The following NELL1 variants were observed in gnomAD, a reference collection of about 807,000 sequenced individuals.
NELL1 encodes the protein protein kinase C-binding protein NELL1.
A neutral mutation model predicts 107.4 loss-of-function variants in NELL1; 76 were observed. That is an observed-to-expected ratio of 0.71 (90% CI 0.59 to 0.86). The LOEUF is 0.86. Ranked by LOEUF, NELL1 falls within the 40% of genes least tolerant of loss-of-function variation. The pLI, the probability that NELL1 is intolerant of heterozygous loss-of-function variation, is 0.00. For missense variants in NELL1, 1,024 were observed against 1,005.5 expected, an observed-to-expected ratio of 1.02 and a Z score of -0.25; for synonymous variants, 353 against 341.2, an observed-to-expected ratio of 1.03 and a Z score of -0.38.
chr11:21,081,917 G>C (rs1257776209), intron 12 of NELL1, among the ~76,000 whole-genome samples: 1 of 152,100 alleles, frequency 6.6e-6, no homozygotes, highest in African/African-American at 2.4e-5. Flanking sequence ...CCTTAAAGAA[G>C]TTAAATAATT....
intron 12 of NELL1, among the ~76,000 whole-genome samples, chr11:21,001,723 A>G (rs904140033): frequency 2.7e-5 from 4 of 150,314 alleles, no homozygotes; most frequent in African/African-American, 9.8e-5. Flanking sequence ...GTCTTGGGCA[A>G]TCAACGGGGA....
At chr11:21,399,347 G>A (rs528022688) in intron 15 of NELL1, among the ~76,000 whole-genome samples, 1 of 151,704 alleles carries the variant, frequency 6.6e-6, no homozygotes, top group East Asian at 2.0e-4. Context: ...TTTAGGTATT[G>A]CAATGTGTTA....
chr11:20,975,880 CATGTGTATTATATATACATAT>C lies in NELL1; in HGVS notation c.1300+15335_1300+15355del, dbSNP rs1477974609. Reference sequence around the variant, plus strand: ...TATATGTGTATTATATATACACATACATGTGTATTATATATACATATATGTGTATTATATAAACACACATAT... The same window carrying C: ...TATATGTGTATTATATATACACATACATGTGTATTATATAAACACACATAT... On this transcript the variant is annotated intron_variant, in intron 12 of 19. Transcript: ENST00000357134. 1.3e-4 allele frequency among the ~76,000 whole-genome samples: 13 copies of C among 103,680 alleles called. 1 individual carries two copies. Among genetic ancestry groups the C allele is most frequent in the African/African-American group, 4.5e-4 (12 of 26,500 alleles). 68.0% of individuals were successfully genotyped at this position (103,680 alleles called of 152,430 possible).
chr11:20,674,481 T>C, intron 1 of NELL1: 1 of 1,535,806 alleles, frequency 6.5e-7, no homozygotes, highest in Non-Finnish European at 8.7e-7. Flanking sequence ...ACATGAAATT[T>C]CCTACAGCAG....
chr11:21,369,593 A>T (rs1369592932), intron 14 of NELL1, among the ~76,000 whole-genome samples: 1 of 152,076 alleles, frequency 6.6e-6, no homozygotes, highest in Admixed American at 6.6e-5. Context: ...TTCTGAACAC[A>T]TCATGTGGCT....
chr11:20,700,497 A>T (rs1052950358), intron 2 of NELL1, among the ~76,000 whole-genome samples: 40 of 150,946 alleles, frequency 2.6e-4, no homozygotes, highest in Non-Finnish European at 5.2e-4. Context: ...CAAAGAAAAA[A>T]AAATATATAT....
At chr11:20,988,194 A>G (rs890912267) in intron 12 of NELL1, among the ~76,000 whole-genome samples, 4 of 152,202 alleles carry the variant, frequency 2.6e-5, no homozygotes, top group South Asian at 2.1e-4. Context: ...ATTTTATCAC[A>G]TAGGGATGGA....
At chr11:20,777,613 G>A (rs1856774931) in intron 2 of NELL1, among the ~76,000 whole-genome samples, 1 of 152,180 alleles carries the variant, frequency 6.6e-6, no homozygotes, top group Non-Finnish European at 1.5e-5. Flanking sequence ...TCTACATTCA[G>A]AAATGAAAAG....
chr11:21,376,439 G>T (rs1336770917), intron 15 of NELL1, among the ~76,000 whole-genome samples: 4 of 151,988 alleles, frequency 2.6e-5, no homozygotes, highest in Admixed American at 2.6e-4. Context: ...TGCTGTTTTG[G>T]TTATTGTAGC....
chr11:21,468,607 A>G (rs1229420691), intron 15 of NELL1, among the ~76,000 whole-genome samples: 1 of 152,084 alleles, frequency 6.6e-6, no homozygotes, highest in Non-Finnish European at 1.5e-5. Flanking sequence ...ACAAGTTATT[A>G]TCTGACTGGA....
chr11:21,374,825 G>A (rs1474472998), intron 15 of NELL1, among the ~76,000 whole-genome samples: 1 of 151,586 alleles, frequency 6.6e-6, no homozygotes, highest in Non-Finnish European at 1.5e-5. Context: ...TTACTTATCT[G>A]ACGTTGAACA....
intron 12 of NELL1, among the ~76,000 whole-genome samples, chr11:21,040,883 C>G (rs569150056): frequency 8.5e-4 from 130 of 152,140 alleles, no homozygotes; most frequent in African/African-American, 2.9e-3. Context: ...TACCATTGTA[C>G]GAGGAATGAT....
chr11:21,294,508 A>G (rs1406295295), intron 14 of NELL1, among the ~76,000 whole-genome samples: 1 of 152,074 alleles, frequency 6.6e-6, no homozygotes, highest in East Asian at 1.9e-4. Context: ...ATTGCATGGC[A>G]AATTGGATTG....
intron 15 of NELL1, among the ~76,000 whole-genome samples, chr11:21,455,475 G>C (rs1853704460): frequency 6.6e-6 from 1 of 151,750 alleles, no homozygotes; most frequent in African/African-American, 2.4e-5. Flanking sequence ...GGGACTACAG[G>C]TGCATGTCAC....
intron 12 of NELL1, among the ~76,000 whole-genome samples, chr11:20,993,488 G>A (rs1474057553): frequency 1.3e-5 from 2 of 152,096 alleles, no homozygotes; most frequent in Admixed American, 1.3e-4. Flanking sequence ...CATTAGCTTG[G>A]TCAGTGAACA....
chr11:20,689,121 T>C (rs1480724611), intron 2 of NELL1, among the ~76,000 whole-genome samples: 2 of 152,056 alleles, frequency 1.3e-5, no homozygotes, highest in African/African-American at 4.8e-5. Context: ...TTTAATATTG[T>C]TATTTGGTTT....
At chr11:21,053,672 C>T (rs1460389959) in intron 12 of NELL1, among the ~76,000 whole-genome samples, 2 of 152,140 alleles carry the variant, frequency 1.3e-5, no homozygotes, top group South Asian at 2.1e-4. Flanking sequence ...TCAGTCTTTT[C>T]TGTCACTTTC....
chr11:21,564,863 G>A (rs1034513848), intron 17 of NELL1, among the ~76,000 whole-genome samples: 1 of 151,850 alleles, frequency 6.6e-6, no homozygotes, highest in African/African-American at 2.4e-5. Context: ...CATCTGATCT[G>A]GTTTATGTAA....
intron 15 of NELL1, among the ~76,000 whole-genome samples, chr11:21,404,207 C>T (rs1363288334): frequency 6.6e-6 from 1 of 151,840 alleles, no homozygotes; most frequent in African/African-American, 2.4e-5. Context: ...AGATTGCAAA[C>T]AATATCTCAG....
Sources: allele counts gnomAD v4.1 joint callset (sites outside exome capture counted in the v4.1 genomes callset), GRCh38; gene constraint gnomAD v4.1.1; transcripts MANE v1.5; gene names NCBI Gene and HGNC (gene_info 2026-07-23, HGNC 2026-07-21).